The following INSR variants were observed in gnomAD, a reference collection of about 807,000 sequenced individuals.
INSR encodes insulin receptor.
Under a neutral mutation model 142.6 loss-of-function variants are expected in INSR, and 67 were observed. The ratio of observed to expected loss-of-function variants is 0.47; its 90% CI spans 0.39 to 0.58. The LOEUF (loss-of-function observed/expected upper bound fraction) is 0.58. INSR is among the 20% of genes least tolerant of loss of function. INSR has a pLI of 0.00. For missense variants in INSR, 1,248 were observed against 1,833.2 expected (o/e 0.68, Z 5.83); for synonymous variants, 756 against 743.1 (o/e 1.02, Z -0.28).
chr19:7,233,232 G>T (rs1274908520), intron 2 of INSR, among the ~76,000 whole-genome samples: 1 of 152,098 alleles, frequency 6.6e-6, no homozygotes, highest in African/African-American at 2.4e-5. Context: ...GACCTCAGGT[G>T]ATCCACCCAC....
intron 2 of INSR, among the ~76,000 whole-genome samples, chr19:7,191,857 G>GAA (rs1974597815): frequency 6.9e-6 from 1 of 144,720 alleles, no homozygotes; most frequent in Admixed American, 7.2e-5. Flanking sequence ...AAAAGAAAGA[G>GAA]AGAGTGAAAG....
chr19:7,181,929 A>T (rs1180178517), intron 3 of INSR, among the ~76,000 whole-genome samples: 1 of 151,962 alleles, frequency 6.6e-6, no homozygotes, highest in Non-Finnish European at 1.5e-5. Context: ...AAACATCAAG[A>T]ACTCCTTCCC....
intron 13 of INSR, among the ~76,000 whole-genome samples, chr19:7,138,850 A>G (rs572102817): frequency 5.9e-5 from 9 of 152,292 alleles, no homozygotes; most frequent in African/African-American, 2.2e-4. Context: ...TAGGACCTAC[A>G]GGATTAATAC....
chr19:7,141,900 G>T, intron 12 of INSR, 84 bp from the exon 13 acceptor site: 1 of 1,098,628 alleles, frequency 9.1e-7, no homozygotes, highest in Non-Finnish European at 1.4e-6. Flanking sequence ...GCAACCTTGG[G>T]CTGGTGACGT....
At chr19:7,149,574 C>T (rs1484981810) in intron 11 of INSR, among the ~76,000 whole-genome samples, 1 of 152,114 alleles carries the variant, frequency 6.6e-6, no homozygotes, top group African/African-American at 2.4e-5. Flanking sequence ...GTAATTCCAG[C>T]ACTTTGGGAG....
chr19:7,268,967 T>C (rs755705091), intron 1 of INSR, among the ~76,000 whole-genome samples: 7 of 151,606 alleles, frequency 4.6e-5, no homozygotes, highest in Non-Finnish European at 2.9e-5. Flanking sequence ...CTTGTGTCCC[T>C]TACACCTGAG....
intron 8 of INSR, among the ~76,000 whole-genome samples, chr19:7,163,843 C>T (rs956361855): frequency 2.1e-5 from 3 of 145,238 alleles, no homozygotes; most frequent in Non-Finnish European, 4.5e-5. Flanking sequence ...TTTAGAAGGC[C>T]GAGGTGGGCG....
intron 1 of INSR, among the ~76,000 whole-genome samples, chr19:7,273,631 G>C (rs1224816283): frequency 6.6e-6 from 1 of 151,148 alleles, no homozygotes; most frequent in Non-Finnish European, 1.5e-5. Context: ...CAATTCTCCT[G>C]CCTCAGCCTC....
At chr19:7,193,547 G>A (rs1014125962) in intron 2 of INSR, among the ~76,000 whole-genome samples, 15 of 151,540 alleles carry the variant, frequency 9.9e-5, no homozygotes, top group Admixed American at 6.6e-5. Flanking sequence ...GGCAGGAGGG[G>A]GGAGGACACA....
chr19:7,143,411 C>A (rs1973120678), intron 11 of INSR, among the ~76,000 whole-genome samples: 1 of 152,166 alleles, frequency 6.6e-6, no homozygotes, highest in Non-Finnish European at 1.5e-5. Flanking sequence ...GATAAATAGG[C>A]CAGCCAGGGT....
In INSR at chr19:7,125,100, G is replaced by A. The variant is rs1341123254; in HGVS notation, c.3258+183C>T. 6.6e-6 allele frequency among the ~76,000 whole-genome samples: 1 copy of A among 152,114 alleles called. No homozygotes were observed. Among genetic ancestry groups the A allele is most frequent in the Admixed American group, 6.5e-5 (1 of 15,272 alleles). ...ATAGAGTCTGGTTCCAGGCGAAGTG[G>A]GAGAGGATGGGATTTGAGAAGGGAA... is the stretch of plus-strand genomic sequence containing the variant. On this transcript the variant is annotated intron_variant, in intron 17 of 21. Transcript: ENST00000302850. This position sits in a 1 kb window ranked among gnomAD's most constrained non-coding sequence, Gnocchi z 4.9.
At position 7,267,815 on chromosome 19, in the gene INSR, T is replaced by A; in HGVS notation, c.182A>T (p.Gln61Leu). The change falls in exon 2 of 22, where the codon CAG becomes CTG. Residue 61 changes from glutamine (Q) to leucine (L), a missense_variant. Physicochemically the swap from Gln to Leu is moderately radical, Grantham distance 113. This residue lies in a region of INSR where 1,069 missense variants were observed against 1,654.0 expected (regional missense o/e 0.65). Transcript: ENST00000302850. The surrounding 1 kb of genome is among the most constrained non-coding windows in gnomAD (Gnocchi z 6.3). Reference sequence around the variant, plus strand: ...CCTCGTTTTGAACATCAAGAGTATCTGCAAGTGTCCTTCGATGACAGAGCA... The same window carrying A: ...CCTCGTTTTGAACATCAAGAGTATCAGCAAGTGTCCTTCGATGACAGAGCA... ...ENCSVIEGHL[Q>L]ILLMFKTRPE... The A allele has an allele frequency of 6.2e-7, 1 of 1,614,110 alleles. No individual in the cohort carries two copies. Among genetic ancestry groups the A allele is most frequent in the Non-Finnish European group, 8.5e-7 (1 of 1,179,974 alleles).
chr19:7,197,855 C>G (rs1373012157), intron 2 of INSR, among the ~76,000 whole-genome samples: 1 of 63,050 alleles, frequency 1.6e-5, no homozygotes, highest in Non-Finnish European at 3.1e-5. Flanking sequence ...AGAGAGAGAA[C>G]GAGAGAGAGT....
intron 1 of INSR, among the ~76,000 whole-genome samples, chr19:7,291,931 T>A (rs1368877342): frequency 1.3e-5 from 2 of 152,128 alleles, no homozygotes; most frequent in African/African-American, 4.8e-5. Flanking sequence ...TAGCTGGGAC[T>A]ACAGGCGCCC....
chr19:7,217,698 T>C (rs1051292531), intron 2 of INSR, among the ~76,000 whole-genome samples: 9 of 152,180 alleles, frequency 5.9e-5, no homozygotes, highest in East Asian at 3.9e-4. Context: ...TAGGTGGGAC[T>C]ACAGGAGCCC....
At chr19:7,162,458 C>T (rs989984271) in intron 9 of INSR, among the ~76,000 whole-genome samples, 1 of 150,158 alleles carries the variant, frequency 6.7e-6, no homozygotes, top group Non-Finnish European at 1.5e-5. Context: ...TTGCAGTGAG[C>T]AGAGATCATG....
intron 2 of INSR, among the ~76,000 whole-genome samples, chr19:7,242,167 G>T (rs1312681729): frequency 8.5e-6 from 1 of 118,306 alleles, no homozygotes; most frequent in South Asian, 2.7e-4. Context: ...AAAAAAAAAA[G>T]AAGAAGGAGG....
chr19:7,138,567 G>T (rs1436898268), intron 13 of INSR, among the ~76,000 whole-genome samples: 1 of 151,822 alleles, frequency 6.6e-6, no homozygotes. Context: ...TGCAGAGATG[G>T]GGTCTGGCTG....
intron 1 of INSR, among the ~76,000 whole-genome samples, chr19:7,284,127 C>A (rs2145243778): frequency 6.6e-6 from 1 of 151,952 alleles, no homozygotes; most frequent in South Asian, 2.1e-4. Flanking sequence ...TGCAGTGGCA[C>A]CGCCTTGGCT....
Sources: allele counts gnomAD v4.1 joint callset (sites outside exome capture counted in the v4.1 genomes callset), GRCh38; gene constraint gnomAD v4.1.1; regional missense constraint gnomAD v4.1.1; non-coding constraint Gnocchi (gnomAD v3.1); transcripts MANE v1.5; gene names NCBI Gene and HGNC (gene_info 2026-07-23, HGNC 2026-07-21).